Variants in SCN2A observed in about 807,000 individuals in gnomAD.
The protein encoded by SCN2A is sodium voltage-gated channel alpha subunit 2, also known as sodium channel protein type 2 subunit alpha.
A neutral mutation model predicts 188.7 loss-of-function variants in SCN2A; 20 were observed. The observed-to-expected ratio is 0.11, with a 90% CI of 0.07 to 0.15. SCN2A has a LOEUF of 0.15. SCN2A is among the 10% of genes least tolerant of loss of function. The pLI, the probability that SCN2A is intolerant of heterozygous loss-of-function variation, is 1.00. For synonymous variants in SCN2A, 804 were observed against 833.1 expected (o/e 0.97, Z 0.60); for missense variants, 1,278 against 2,445.0 (o/e 0.52, Z 10.07).
chr2:165,377,536 C>T, intron 22 of SCN2A, 61 bp from the exon 23 acceptor site: 1 of 1,370,264 alleles, frequency 7.3e-7, no homozygotes, highest in Non-Finnish European at 1.0e-6. Flanking sequence ...ATCAATTATT[C>T]AATTTATTTT....
At chr2:165,244,482 C>G (rs1693758504) in intron 1 of SCN2A, among the ~76,000 whole-genome samples, 1 of 151,862 alleles carries the variant, frequency 6.6e-6, no homozygotes, top group African/African-American at 2.4e-5. Context: ...GACATAATTA[C>G]TAACTACATT....
intron 23 of SCN2A, among the ~76,000 whole-genome samples, chr2:165,380,352 G>A (rs1701536062): frequency 7.8e-6 from 1 of 127,520 alleles, no homozygotes; most frequent in South Asian, 2.5e-4. Flanking sequence ...GCATTTGTTG[G>A]GTGAAATTGT....
chr2:165,354,444 A>G lies in SCN2A; in HGVS notation c.3172A>G (p.Thr1058Ala). 1.2e-6 allele frequency: 2 copies of G among 1,614,130 alleles called. No homozygotes were observed. The highest frequency in any genetic ancestry group is 1.7e-6 in the Non-Finnish European group (2 of 1,180,002). The change falls in exon 17 of 27, where the codon ACC (threonine) becomes GCC (alanine). Residue 1058 changes from threonine to alanine, a missense_variant. Physicochemically the swap from Thr to Ala is moderately conservative, Grantham distance 58. This residue lies in a region of SCN2A where 228 missense variants were observed against 297.3 expected (regional missense o/e 0.77). Coordinates refer to ENST00000375437, the MANE Select transcript of SCN2A (RefSeq NM_001040142.2). ...KKDSCISNHT[T>A]IEIGKDLNYL... ...AGACAGCTGTATTTCCAACCATACC[A>G]CCATAGAAATAGGCAAAGACCTCAA...
Position 165,239,583 on chromosome 2 carries a change from GTTATA to G in SCN2A, c.-106_-102del. 3.1e-6 allele frequency: 3 copies of G among 973,554 alleles called. No homozygotes were observed. The highest frequency in any genetic ancestry group is 3.7e-6 in the Non-Finnish European group (3 of 819,168). The allele number at this position is 973,554 out of a possible 1,614,324, so 60.3% of individuals were successfully genotyped here. ...ATTCTGAAGAATTGCATTGGAGACT[GTTATA>G]TTCAACACATACGTGGATTCTGTGT... On this transcript the variant is annotated 5_prime_UTR_variant, in exon 1 of 27. Coordinates refer to ENST00000375437, the MANE Select transcript of SCN2A (RefSeq NM_001040142.2).
In SCN2A at chr2:165,261,084, C is replaced by G. The variant is rs912543554; in HGVS notation, c.-52+21444C>G. 7.9e-5 allele frequency among the ~76,000 whole-genome samples: 12 copies of G among 151,606 alleles called. No homozygotes were observed. The South Asian group carries it at 2.5e-3, about 32-fold the overall frequency. ...TATGACACCTAATACAATGTAAATG[C>G]TATGTAAACAGTTGTCATATTGTAA... On this transcript the variant is annotated intron_variant, in intron 1 of 26. Coordinates refer to ENST00000375437, the MANE Select transcript of SCN2A (RefSeq NM_001040142.2).
intron 1 of SCN2A, chr2:165,290,686 A>C (rs1696055670): frequency 2.7e-6 from 2 of 731,642 alleles, no homozygotes; most frequent in African/African-American, 3.8e-5. Context: ...GTAAGACCTG[A>C]ATATGGATTT....
At chr2:165,278,320 T>C (rs895410934) in intron 1 of SCN2A, among the ~76,000 whole-genome samples, 1 of 152,174 alleles carries the variant, frequency 6.6e-6, no homozygotes, top group African/African-American at 2.4e-5. Flanking sequence ...TTTAATTGAT[T>C]CTAAGTTTGG....
rs374738441 is a variant in SCN2A at position 165,342,474 on chromosome 2, A to G, written c.2562+5A>G. On this transcript the variant is annotated splice_donor_5th_base_variant and intron_variant, in intron 15 of 26. Coordinates refer to ENST00000375437, the MANE Select transcript of SCN2A (RefSeq NM_001040142.2). ...GTTCTCCGATCATTCCGGCTGGTAAATTAACTGGGAGTGTTCATAAAATGT... is the reference window on the plus strand; with the variant it reads ...GTTCTCCGATCATTCCGGCTGGTAAGTTAACTGGGAGTGTTCATAAAATGT... 329 of 1,613,934 alleles carry G rather than the reference A, an allele frequency of 2.0e-4. No individual in the cohort carries two copies. The highest frequency in any genetic ancestry group is 2.7e-4 in the Non-Finnish European group (313 of 1,179,862).
intron 1 of SCN2A, among the ~76,000 whole-genome samples, chr2:165,291,583 C>T (rs1234122340): frequency 5.5e-5 from 7 of 127,896 alleles, no homozygotes; most frequent in South Asian, 2.5e-4. Flanking sequence ...CTTTCTCTCT[C>T]TCTCTCTCTC....
At chr2:165,356,940 A>G (rs926100585) in intron 17 of SCN2A, among the ~76,000 whole-genome samples, 2 of 152,202 alleles carry the variant, frequency 1.3e-5, no homozygotes, top group Admixed American at 1.3e-4. Flanking sequence ...GTATTTCAGA[A>G]TTGGAGGAAG....
chr2:165,312,303 T>C (rs1369314827), intron 8 of SCN2A, among the ~76,000 whole-genome samples: 1 of 152,164 alleles, frequency 6.6e-6, no homozygotes, highest in Non-Finnish European at 1.5e-5. Flanking sequence ...AGGTCACATC[T>C]AATCTTCCAA....
intron 1 of SCN2A, among the ~76,000 whole-genome samples, chr2:165,281,542 T>C (rs548826558): frequency 4.3e-4 from 65 of 151,816 alleles, no homozygotes; most frequent in African/African-American, 1.5e-3. Flanking sequence ...GGAGACGACA[T>C]GAGAGAAGGA....
intron 17 of SCN2A, among the ~76,000 whole-genome samples, chr2:165,354,976 C>T (rs1189030492): frequency 2.0e-5 from 3 of 152,082 alleles, no homozygotes; most frequent in Non-Finnish European, 4.4e-5. Flanking sequence ...TCAATTTCTC[C>T]ACTTTCTTCC....
intron 17 of SCN2A, among the ~76,000 whole-genome samples, chr2:165,356,004 A>G (rs1390633757): frequency 1.3e-5 from 2 of 151,986 alleles, no homozygotes; most frequent in Admixed American, 6.6e-5. Flanking sequence ...GTCTCAAAAA[A>G]AAAAAAAAAG....
chr2:165,315,319 C>A, intron 10 of SCN2A, 152 bp from the exon 11 acceptor site: 1 of 1,264,160 alleles, frequency 7.9e-7, no homozygotes, highest in Non-Finnish European at 1.1e-6. Flanking sequence ...TTTGATTGGT[C>A]TAATAACAAT....
chr2:165,280,552 G>A (rs115496613), intron 1 of SCN2A, among the ~76,000 whole-genome samples: 10 of 152,176 alleles, frequency 6.6e-5, no homozygotes, highest in East Asian at 3.9e-4. Context: ...CTGAAGTGCC[G>A]GTGAGTTTAC....
chr2:165,363,704 A>C (rs2105353118), intron 17 of SCN2A, among the ~76,000 whole-genome samples: 1 of 152,238 alleles, frequency 6.6e-6, no homozygotes, highest in African/African-American at 2.4e-5. Flanking sequence ...TATTAGGATT[A>C]TTTTTCTAGT....
chr2:165,361,779 C>T (rs536726061), intron 17 of SCN2A, among the ~76,000 whole-genome samples: 1 of 152,088 alleles, frequency 6.6e-6, no homozygotes, highest in East Asian at 1.9e-4. Context: ...AGAGGGAAAA[C>T]ACTGTCAAAA....
intron 17 of SCN2A, 44 bp downstream of exon 17, chr2:165,354,715 C>A: frequency 6.3e-7 from 1 of 1,592,936 alleles, no homozygotes; most frequent in Non-Finnish European, 8.6e-7. Context: ...TTATATAATT[C>A]TGTTGTTTAA....
Sources: gnomAD v4.1 joint callset for allele counts (sites outside exome capture counted in the v4.1 genomes callset) on GRCh38, gnomAD v4.1.1 for gene constraint, gnomAD v4.1.1 regional missense constraint, MANE v1.5 for transcripts, NCBI Gene and HGNC (gene_info 2026-07-23, HGNC 2026-07-21) for gene names.